The following CLIP4 variants were observed in gnomAD, a reference collection of about 807,000 sequenced individuals.
The protein encoded by CLIP4 is CAP-Gly domain-containing linker protein 4.
In CLIP4, 47 loss-of-function variants were observed where a neutral mutation model predicts 73.1. That is an observed-to-expected ratio of 0.64 (90% confidence interval 0.51 to 0.82). The LOEUF (loss-of-function observed/expected upper bound fraction) is 0.82, where lower values mean the gene tolerates loss of function less well. Among genes scored for constraint, CLIP4 ranks in the 40% least tolerant of loss-of-function variants. The pLI, the probability that CLIP4 is intolerant of heterozygous loss-of-function variation, is 0.00. For synonymous variants in CLIP4, 306 were observed against 295.4 expected (o/e 1.04, Z -0.37); for missense variants, 874 against 852.9 (o/e 1.02, Z -0.31).
At chr2:29,165,967 C>CTCT (rs151004838) in intron 13 of CLIP4, among the ~76,000 whole-genome samples, 12 of 98,636 alleles carry the variant, frequency 1.2e-4, no homozygotes, top group African/African-American at 4.4e-4. Context: ...AAGCAGCCCC[C>CTCT]TCTTCTTCAA....
At chr2:29,173,341 G>C (rs1668133379) in intron 14 of CLIP4, among the ~76,000 whole-genome samples, 1 of 152,246 alleles carries the variant, frequency 6.6e-6, no homozygotes, top group African/African-American at 2.4e-5. Flanking sequence ...GTCTTCATCT[G>C]AACGGTGTTT....
At chr2:29,174,967 C>G (rs1454408362) in intron 15 of CLIP4, among the ~76,000 whole-genome samples, 1 of 152,060 alleles carries the variant, frequency 6.6e-6, no homozygotes, top group Non-Finnish European at 1.5e-5. Context: ...TCACTACCCC[C>G]CATTGGTTTT....
intron 9 of CLIP4, 95 bp downstream of exon 9, chr2:29,152,923 C>T (rs1272203822): frequency 7.3e-7 from 1 of 1,375,908 alleles, no homozygotes; most frequent in East Asian, 2.4e-5. Context: ...TTTTTGTTAG[C>T]CAACTCTGAA....
At chr2:29,129,653 G>A (rs1303420751) in intron 2 of CLIP4, among the ~76,000 whole-genome samples, 5 of 152,030 alleles carry the variant, frequency 3.3e-5, no homozygotes, top group Non-Finnish European at 7.4e-5. Context: ...TTTGAGTGCT[G>A]TAGGGATGCT....
intron 1 of CLIP4, among the ~76,000 whole-genome samples, chr2:29,098,744 G>A (rs986462757): frequency 6.6e-6 from 1 of 152,312 alleles, no homozygotes; most frequent in Middle Eastern, 3.4e-3. Context: ...ATGATTGTTA[G>A]ATCATATGGT....
chr2:29,145,751 G>A (rs10192789), intron 8 of CLIP4, among the ~76,000 whole-genome samples: 52,904 of 152,066 alleles, frequency 0.35, 10,586 homozygotes, highest in East Asian at 0.71. Flanking sequence ...GCTCGATCTC[G>A]GCTCACTGCA....
chr2:29,181,935 GTAAA>G lies in CLIP4; in HGVS notation c.*47_*50del. On this transcript the variant is annotated 3_prime_UTR_variant, in exon 16 of 16. Coordinates refer to ENST00000320081, the MANE Select transcript of CLIP4 (RefSeq NM_024692.6). ...ATAAGCTCAAATATATATATTTGGT[GTAAA>G]TAAAGAGTCCATGGTAAATGGTTTA... 1 of 1,464,300 alleles carries G rather than the reference GTAAA, an allele frequency of 6.8e-7. No homozygotes were observed. The highest frequency in any genetic ancestry group is 1.3e-5 in the South Asian group (1 of 74,578). 90.7% of individuals were successfully genotyped at this position (1,464,300 alleles called of 1,614,324 possible).
intron 8 of CLIP4, among the ~76,000 whole-genome samples, chr2:29,145,917 G>T (rs1666132184): frequency 1.3e-5 from 2 of 152,186 alleles, no homozygotes; most frequent in Non-Finnish European, 2.9e-5. Flanking sequence ...CCTGACCTCA[G>T]GTTATCTGCC....
chr2:29,147,905 T>A (rs1666277566), intron 8 of CLIP4, among the ~76,000 whole-genome samples: 1 of 152,158 alleles, frequency 6.6e-6, no homozygotes, highest in African/African-American at 2.4e-5. Flanking sequence ...ATTTTAATTT[T>A]CCTCCGATAG....
At chr2:29,166,205 A>G (rs937912297) in intron 13 of CLIP4, among the ~76,000 whole-genome samples, 3 of 152,138 alleles carry the variant, frequency 2.0e-5, no homozygotes, top group African/African-American at 7.2e-5. Flanking sequence ...ACTGATCTTC[A>G]AGATGGAAGA....
At position 29,156,339 on chromosome 2, in the gene CLIP4, A is replaced by G. The variant is rs375704852; in HGVS notation, c.1166-15A>G. The stretch of plus-strand genomic sequence containing the variant: ...TTAAAATTCTTGCTTAAAGTGTTTT[A>G]TTTTTGTGTCCAAGGATTAATGACA... On this transcript the variant is annotated splice_polypyrimidine_tract_variant and intron_variant, in intron 9 of 15. Coordinates refer to ENST00000320081, the MANE Select transcript of CLIP4 (RefSeq NM_024692.6). The G allele has an allele frequency of 4.5e-6, 7 of 1,542,330 alleles. No homozygotes were observed. The highest frequency in any genetic ancestry group is 6.1e-6 in the Non-Finnish European group (7 of 1,148,358).
intron 4 of CLIP4, 55 bp from the exon 5 acceptor site, chr2:29,133,600 C>T (rs1348947697): frequency 6.6e-7 from 1 of 1,526,308 alleles, no homozygotes; most frequent in East Asian, 2.3e-5. Context: ...TGGTAGCCAT[C>T]CATTGGAACT....
In CLIP4 at chr2:29,115,534, G is replaced by A. The variant is rs982364046; in HGVS notation, c.-147G>A. 1.4e-5 allele frequency: 2 copies of A among 148,060 alleles called. No homozygotes were observed. Among genetic ancestry groups the A allele is most frequent in the Non-Finnish European group, 1.5e-5 (1 of 66,394 alleles). The allele number at this position is 148,060 out of a possible 1,614,324, so 9.2% of individuals were successfully genotyped here. A position where few individuals can be genotyped will look rare whatever the true frequency, so the allele number is the denominator to read the frequency against. ...GAGGCAGCGGGAGGGGCCCGGAGAGGTGTGGAGCGGCGCGGCGGGAGGCTC... is the reference window on the plus strand; with the variant it reads ...GAGGCAGCGGGAGGGGCCCGGAGAGATGTGGAGCGGCGCGGCGGGAGGCTC... On this transcript the variant is annotated 5_prime_UTR_variant, in exon 1 of 16. The change creates a new upstream start codon in the 5' untranslated region. Transcript: ENST00000320081. This position sits in a 1 kb window ranked among gnomAD's most constrained non-coding sequence, Gnocchi z 5.1.
chr2:29,156,394 A>C lies in CLIP4; in HGVS notation c.1206A>C (p.Thr402=). The change falls in exon 10 of 16, where the codon ACA becomes ACC. Residue 402 remains threonine, a synonymous_variant. Transcript: ENST00000320081. The part of the protein sequence containing the change: ...TSKKDSASES[T]LSLPPGEELK... Reference sequence around the variant, plus strand: ...AAAAAGATAGTGCTTCTGAGTCAACACTTTCATTGCCTCCTGGTGAAGAAC... The same window carrying C: ...AAAAAGATAGTGCTTCTGAGTCAACCCTTTCATTGCCTCCTGGTGAAGAAC... 6.3e-7 allele frequency: 1 copy of C among 1,589,860 alleles called. No individual in the cohort carries two copies. Among genetic ancestry groups the C allele is most frequent in the Non-Finnish European group, 8.5e-7 (1 of 1,174,266 alleles).
chr2:29,134,571 C>T (rs1468468540), intron 5 of CLIP4, among the ~76,000 whole-genome samples: 3 of 150,706 alleles, frequency 2.0e-5, no homozygotes, highest in East Asian at 2.0e-4. Flanking sequence ...GGAAGAAAGC[C>T]TCTGTCTACA....
intron 1 of CLIP4, among the ~76,000 whole-genome samples, chr2:29,110,242 T>A (rs930100767): frequency 4.6e-5 from 7 of 152,126 alleles, no homozygotes; most frequent in African/African-American, 1.7e-4. Flanking sequence ...GGAGTCCTCT[T>A]CAGTTTGTGG....
At chr2:29,180,668 T>G (rs1668594885) in intron 15 of CLIP4, among the ~76,000 whole-genome samples, 1 of 152,188 alleles carries the variant, frequency 6.6e-6, no homozygotes, top group African/African-American at 2.4e-5. Flanking sequence ...TAATTTAAAT[T>G]TACTACACTG....
intron 1 of CLIP4, among the ~76,000 whole-genome samples, chr2:29,107,376 T>TG (rs1668253145): frequency 3.1e-5 from 4 of 128,082 alleles, no homozygotes; most frequent in African/African-American, 9.0e-5. Flanking sequence ...TTTTTTTTTT[T>TG]TTTTTTTTTT....
intron 15 of CLIP4, chr2:29,174,833 T>C (rs537958874): frequency 3.2e-6 from 1 of 316,088 alleles, no homozygotes; most frequent in Non-Finnish European, 4.6e-6. Flanking sequence ...CTTGCAGTTA[T>C]TTTGAAAAAT....
Sources: allele counts gnomAD v4.1 joint callset (sites outside exome capture counted in the v4.1 genomes callset), GRCh38; gene constraint gnomAD v4.1.1; non-coding constraint Gnocchi (gnomAD v3.1); transcripts MANE v1.5; gene names NCBI Gene and HGNC (gene_info 2026-07-23, HGNC 2026-07-21).